Variants in CDH18 observed in about 807,000 individuals in gnomAD.
CDH18 encodes the protein cadherin-18.
In CDH18, 31 loss-of-function variants were observed where a neutral mutation model predicts 67.9. That is an observed-to-expected ratio of 0.46 (90% CI 0.34 to 0.62). CDH18 has a LOEUF of 0.62. CDH18 is among the 20% of genes least tolerant of loss of function. The pLI, the probability that CDH18 is intolerant of heterozygous loss-of-function variation, is 0.01. For synonymous variants in CDH18, 362 were observed against 347.2 expected (o/e 1.04, Z -0.48); for missense variants, 890 against 975.5 (o/e 0.91, Z 1.17).
At chr5:20,327,581 C>G (rs58231942) in intron 1 of CDH18, among the ~76,000 whole-genome samples, 2 of 152,094 alleles carry the variant, frequency 1.3e-5, no homozygotes, top group Non-Finnish European at 2.9e-5. Flanking sequence ...TCTTCCAGTT[C>G]TGAGAATATA....
chr5:20,389,621 G>T (rs1021452928), intron 1 of CDH18, among the ~76,000 whole-genome samples: 3 of 152,036 alleles, frequency 2.0e-5, no homozygotes, highest in Non-Finnish European at 2.9e-5. Context: ...TTTCTTCACA[G>T]AATTGGGAAA....
chr5:19,864,479 G>A (rs961667535), intron 2 of CDH18, among the ~76,000 whole-genome samples: 2 of 151,816 alleles, frequency 1.3e-5, no homozygotes, highest in Non-Finnish European at 2.9e-5. Context: ...GTATACATAT[G>A]TAACTAACCT....
intron 2 of CDH18, among the ~76,000 whole-genome samples, chr5:19,977,775 A>G (rs1798637767): frequency 6.6e-6 from 1 of 152,176 alleles, no homozygotes; most frequent in South Asian, 2.1e-4. Flanking sequence ...AGATAAGGCC[A>G]TTCAAACTGG....
At chr5:20,316,569 T>A (rs899988830) in intron 1 of CDH18, among the ~76,000 whole-genome samples, 24 of 152,196 alleles carry the variant, frequency 1.6e-4, no homozygotes, top group African/African-American at 5.3e-4. Flanking sequence ...TTATTAAGTT[T>A]GAATTAATTG....
At chr5:19,850,344 A>T (rs1314354407) in intron 2 of CDH18, among the ~76,000 whole-genome samples, 1 of 151,922 alleles carries the variant, frequency 6.6e-6, no homozygotes, top group Non-Finnish European at 1.5e-5. Context: ...CTAGTATACA[A>T]TCTTAAAATT....
intron 3 of CDH18, among the ~76,000 whole-genome samples, chr5:19,814,847 TACACACACACAC>T (rs200095987): frequency 3.1e-5 from 4 of 127,714 alleles, no homozygotes; most frequent in African/African-American, 5.3e-5. Context: ...GCAAAATTGT[TACACACACACAC>T]ACACACACAC....
chr5:20,199,311 C>G (rs778602385), intron 2 of CDH18, among the ~76,000 whole-genome samples: 10 of 152,202 alleles, frequency 6.6e-5, no homozygotes, highest in Non-Finnish European at 1.0e-4. Context: ...CCACCTCTTG[C>G]ATCAACGTGA....
At chr5:20,011,094 G>C (rs186366939) in intron 2 of CDH18, among the ~76,000 whole-genome samples, 1 of 152,152 alleles carries the variant, frequency 6.6e-6, no homozygotes, top group Non-Finnish European at 1.5e-5. Context: ...TGTCCAACTT[G>C]CCATTATCTC....
Position 20,167,775 on chromosome 5 carries a change from T to C in CDH18, c.-518+87669A>G, listed in dbSNP as rs570831898. Among the ~76,000 whole-genome samples the C allele has an allele frequency of 2.0e-5, 3 of 152,306 alleles. No individual in the cohort carries two copies. The South Asian group carries it at 6.2e-4, about 32-fold the overall frequency. Reference sequence around the variant, plus strand: ...CTTGAGTAGAGTAGGATACATCAGTTAAGTAATACGGCCCAAAGGACACCT... The same window carrying C: ...CTTGAGTAGAGTAGGATACATCAGTCAAGTAATACGGCCCAAAGGACACCT... On this transcript the variant is annotated intron_variant, in intron 2 of 14. Coordinates refer to the CDH18 transcript ENST00000507958.
chr5:19,522,568 G>C (rs1747074242), intron 9 of CDH18, among the ~76,000 whole-genome samples: 2 of 152,058 alleles, frequency 1.3e-5, no homozygotes, highest in South Asian at 4.1e-4. Flanking sequence ...TAAACACTAA[G>C]ATAATTCAGA....
intron 3 of CDH18, among the ~76,000 whole-genome samples, chr5:19,774,520 C>T (rs1438080731): frequency 6.6e-6 from 1 of 151,022 alleles, no homozygotes; most frequent in African/African-American, 2.4e-5. Context: ...GGGATAAGCA[C>T]GCTTATGAAA....
intron 1 of CDH18, among the ~76,000 whole-genome samples, chr5:20,308,468 G>A (rs367980427): frequency 2.6e-5 from 4 of 151,906 alleles, no homozygotes; most frequent in African/African-American, 9.7e-5. Flanking sequence ...GCTTGAACCC[G>A]GGAGGGGGAG....
intron 5 of CDH18, among the ~76,000 whole-genome samples, chr5:19,710,104 C>T (rs1360686706): frequency 6.6e-6 from 1 of 152,140 alleles, no homozygotes; most frequent in Non-Finnish European, 1.5e-5. Flanking sequence ...CACAGCACTC[C>T]AGCCTGGGTG....
At chr5:20,575,653 A>G (rs1759074076) in exon 1 of CDH18, 1 of 152,126 alleles carries the variant, frequency 6.6e-6, no homozygotes, top group Non-Finnish European at 1.5e-5. Flanking sequence ...CACCTCAGTA[A>G]GTTGTTCACT....
chr5:19,962,393 A>AAAAAAG (rs1797007042), intron 2 of CDH18, among the ~76,000 whole-genome samples: 2 of 147,414 alleles, frequency 1.4e-5, no homozygotes, highest in Admixed American at 1.4e-4. Context: ...AAAAAAAAAA[A>AAAAAAG]AAAGAAAATT....
At chr5:19,588,166 T>C (rs1215383646) in intron 7 of CDH18, among the ~76,000 whole-genome samples, 3 of 152,164 alleles carry the variant, frequency 2.0e-5, no homozygotes, top group Non-Finnish European at 4.4e-5. Context: ...AAGTTGCTTA[T>C]CAGCTTAAGT....
At chr5:19,573,291 T>C (rs1047076537) in intron 7 of CDH18, among the ~76,000 whole-genome samples, 3 of 152,000 alleles carry the variant, frequency 2.0e-5, no homozygotes, top group African/African-American at 7.2e-5. Flanking sequence ...ACTCTTTTTT[T>C]TTTTTGAGAC....
intron 8 of CDH18, among the ~76,000 whole-genome samples, chr5:19,558,407 A>G (rs925950363): frequency 2.6e-5 from 4 of 152,110 alleles, no homozygotes; most frequent in Admixed American, 2.0e-4. Context: ...TAGTGAGATT[A>G]ACTAAAAAGA....
At chr5:20,212,968 C>T (rs1740470297) in intron 2 of CDH18, among the ~76,000 whole-genome samples, 1 of 152,058 alleles carries the variant, frequency 6.6e-6, no homozygotes, top group African/African-American at 2.4e-5. Context: ...ACTTTTCCTT[C>T]AAAAACTTTA....
Sources: gnomAD v4.1 joint callset for allele counts (sites outside exome capture counted in the v4.1 genomes callset) on GRCh38, gnomAD v4.1.1 for gene constraint, MANE v1.5 for transcripts, NCBI Gene and HGNC (gene_info 2026-07-23, HGNC 2026-07-21) for gene names.